WWOX: variants seen among roughly 807,000 people sequenced by gnomAD.
WWOX encodes WW domain-containing oxidoreductase.
In WWOX, 69 loss-of-function variants were observed where a neutral mutation model predicts 46.2. The observed-to-expected ratio is 1.49, with a 90% CI of 1.23 to 1.82. WWOX has a LOEUF of 1.82. Ranked by LOEUF, WWOX falls within the 40% of genes most tolerant of loss-of-function variation. WWOX has a pLI of 0.00. For missense variants in WWOX, 919 were observed against 542.6 expected, an observed-to-expected ratio of 1.69 and a Z score of -6.89; for synonymous variants, 359 against 202.6, an observed-to-expected ratio of 1.77 and a Z score of -6.56.
At chr16:78,303,883 C>G (rs1032958635) in intron 5 of WWOX, among the ~76,000 whole-genome samples, 2 of 152,166 alleles carry the variant, frequency 1.3e-5, no homozygotes, top group African/African-American at 4.8e-5. Flanking sequence ...CCTGTGCCAA[C>G]CACCACCCCC....
At chr16:78,825,035 C>G (rs2051610442) in intron 8 of WWOX, among the ~76,000 whole-genome samples, 1 of 152,176 alleles carries the variant, frequency 6.6e-6, no homozygotes, top group South Asian at 2.1e-4. Flanking sequence ...TCACCATCCC[C>G]TAAACCCTAC....
intron 8 of WWOX, among the ~76,000 whole-genome samples, chr16:79,034,964 A>G (rs1051888533): frequency 5.3e-5 from 8 of 152,244 alleles, no homozygotes; most frequent in Non-Finnish European, 1.2e-4. Flanking sequence ...AAAGGCAAGT[A>G]TAAATCAGAA....
chr16:78,632,840 G>C (rs2046467947), intron 8 of WWOX, among the ~76,000 whole-genome samples: 1 of 152,018 alleles, frequency 6.6e-6, no homozygotes, highest in South Asian at 2.1e-4. Flanking sequence ...TTGCAGCTGT[G>C]AGCCACTGCG....
At chr16:78,629,513 A>G (rs1244339012) in intron 8 of WWOX, among the ~76,000 whole-genome samples, 3 of 152,196 alleles carry the variant, frequency 2.0e-5, no homozygotes, top group Admixed American at 6.5e-5. Context: ...TCCCTGCTTA[A>G]TCCCTTCACT....
rs146293710 is a variant in WWOX, at chr16:79,197,302, C to T, written c.1057-14306C>T. ...CCTCAAAAATTCTTACAGCTGTATTCCACAGGTCATCACCAAGGGACTGCT... is the reference window on the plus strand; with the variant it reads ...CCTCAAAAATTCTTACAGCTGTATTTCACAGGTCATCACCAAGGGACTGCT... On this transcript the variant is annotated intron_variant, in intron 8 of 8. Coordinates refer to ENST00000566780, the MANE Select transcript of WWOX (RefSeq NM_016373.4). 1.7e-3 allele frequency among the ~76,000 whole-genome samples: 253 copies of T among 152,234 alleles called. 6 individuals carry two copies. In the East Asian group the frequency reaches 0.042, roughly 25 times the overall value.
intron 8 of WWOX, among the ~76,000 whole-genome samples, chr16:78,651,877 G>T (rs2046973048): frequency 1.3e-5 from 2 of 152,180 alleles, no homozygotes; most frequent in Non-Finnish European, 2.9e-5. Flanking sequence ...TGTAGAATGG[G>T]GAGTATTGCT....
chr16:78,206,587 G>C (rs17652195), intron 5 of WWOX, among the ~76,000 whole-genome samples: 4,400 of 152,184 alleles, frequency 0.029, 90 homozygotes, highest in Middle Eastern at 0.058. Context: ...CAAAAATTTA[G>C]AATTTCACCC....
At chr16:78,544,952 A>G (rs753208226) in intron 8 of WWOX, among the ~76,000 whole-genome samples, 1 of 151,310 alleles carries the variant, frequency 6.6e-6, no homozygotes, top group Non-Finnish European at 1.5e-5. Flanking sequence ...CAAGGTGGGA[A>G]CATCATTTGA....
At chr16:78,966,640 T>C (rs577024090) in intron 8 of WWOX, among the ~76,000 whole-genome samples, 10 of 152,190 alleles carry the variant, frequency 6.6e-5, no homozygotes, top group African/African-American at 2.2e-4. Flanking sequence ...ATTAATAATA[T>C]TGAGCTATTT....
At chr16:78,997,099 T>G (rs1262451453) in intron 8 of WWOX, among the ~76,000 whole-genome samples, 17 of 151,970 alleles carry the variant, frequency 1.1e-4, no homozygotes, top group Non-Finnish European at 2.4e-4. Flanking sequence ...TTTTCCAATC[T>G]TCTGCTCTTC....
chr16:79,060,730 A>G (rs1238774072), intron 8 of WWOX, among the ~76,000 whole-genome samples: 2 of 152,236 alleles, frequency 1.3e-5, no homozygotes, highest in Non-Finnish European at 2.9e-5. Flanking sequence ...TTGTCACTGT[A>G]TGGAGAATAG....
intron 8 of WWOX, among the ~76,000 whole-genome samples, chr16:79,144,443 A>G (rs2050148071): frequency 6.6e-6 from 1 of 152,348 alleles, no homozygotes; most frequent in African/African-American, 2.4e-5. Context: ...GAACTGGAAC[A>G]TTCTGAAGAT....
At chr16:78,858,804 C>T (rs1265002456) in intron 8 of WWOX, among the ~76,000 whole-genome samples, 2 of 151,354 alleles carry the variant, frequency 1.3e-5, no homozygotes, top group Non-Finnish European at 1.5e-5. Context: ...TCAGCCTCCT[C>T]AGTTGCTGGG....
chr16:79,180,798 A>G (rs991323833), intron 8 of WWOX, among the ~76,000 whole-genome samples: 4 of 152,144 alleles, frequency 2.6e-5, no homozygotes, highest in African/African-American at 9.7e-5. Context: ...TCCACTCTGA[A>G]TAGAAACCTA....
chr16:78,991,876 C>A (rs554078759), intron 8 of WWOX, among the ~76,000 whole-genome samples: 1 of 152,136 alleles, frequency 6.6e-6, no homozygotes, highest in South Asian at 2.1e-4. Context: ...GCCCTGTGGT[C>A]TTGCGATCAC....
At chr16:78,503,178 G>A (rs2085111989) in intron 8 of WWOX, among the ~76,000 whole-genome samples, 1 of 152,106 alleles carries the variant, frequency 6.6e-6, no homozygotes, top group South Asian at 2.1e-4. Flanking sequence ...TCTGACCCCA[G>A]GAAATTCCCT....
intron 8 of WWOX, among the ~76,000 whole-genome samples, chr16:78,520,984 T>C (rs1257382145): frequency 6.6e-6 from 1 of 152,128 alleles, no homozygotes; most frequent in African/African-American, 2.4e-5. Flanking sequence ...CGAGCAGTTA[T>C]GGGTGAAGGG....
intron 8 of WWOX, among the ~76,000 whole-genome samples, chr16:78,987,015 G>A (rs929215054): frequency 1.3e-5 from 2 of 152,116 alleles, no homozygotes; most frequent in African/African-American, 4.8e-5. Context: ...GGGATCAGAG[G>A]AGGCTGGCTG....
In WWOX at chr16:78,850,600, C is replaced by T. The variant is rs78589916; in HGVS notation, c.1057-361008C>T. ...CATTGTTTACGATTCCTTGGAGTTC[C>T]ACTGCTACTTCATATTTACCATCAC... is the stretch of plus-strand genomic sequence containing the variant. On this transcript the variant is annotated intron_variant, in intron 8 of 8. Coordinates refer to ENST00000566780, the MANE Select transcript of WWOX (RefSeq NM_016373.4). 2.5e-3 allele frequency among the ~76,000 whole-genome samples: 373 copies of T among 152,196 alleles called. 1 individual carries two copies. Among genetic ancestry groups the T allele is most frequent in the African/African-American group, 8.5e-3 (353 of 41,536 alleles).
Sources: gnomAD v4.1 joint callset for allele counts (sites outside exome capture counted in the v4.1 genomes callset) on GRCh38, gnomAD v4.1.1 for gene constraint, MANE v1.5 for transcripts, NCBI Gene and HGNC (gene_info 2026-07-23, HGNC 2026-07-21) for gene names.